Variants in ZNF641 observed in about 807,000 individuals in gnomAD.
The protein encoded by ZNF641 is zinc finger protein 641.
A neutral mutation model predicts 46.2 loss-of-function variants in ZNF641; 26 were observed. The ratio of observed to expected loss-of-function variants is 0.56; its 90% CI spans 0.41 to 0.78. ZNF641 has a LOEUF of 0.78. Among genes scored for constraint, ZNF641 ranks in the 30% least tolerant of loss-of-function variants. The pLI is 0.00. For missense variants in ZNF641, 469 were observed against 517.8 expected (o/e 0.91, Z 0.91); for synonymous variants, 163 against 187.9 (o/e 0.87, Z 1.09).
Position 48,343,017 on chromosome 12 carries a change from G to C in ZNF641, c.1231C>G (p.Gln411Glu). The C allele has an allele frequency of 6.2e-7, 1 of 1,614,166 alleles. No individual in the cohort carries two copies. The highest frequency in any genetic ancestry group is 1.1e-5 in the South Asian group (1 of 91,082). ...LDRHLLTHQGQSPRNSWDRGT... is the reference protein window; with the variant it reads ...LDRHLLTHQGESPRNSWDRGT... ...CTGTCCCAGCTGTTCCGGGGACTTT[G>C]TCCCTGGTGGGTGAGCAGGTGCCTG... The change falls in exon 6 of 6, where the codon CAA becomes GAA. Residue 411 changes from glutamine (Q) to glutamate (E), a missense_variant. Coordinates refer to ENST00000547026, the MANE Select transcript of ZNF641 (RefSeq NM_001172681.2).
chr12:48,349,668 G>A (rs963808621), intron 1 of ZNF641, among the ~76,000 whole-genome samples: 5 of 152,200 alleles, frequency 3.3e-5, no homozygotes, highest in African/African-American at 9.7e-5. Context: ...TCCCAGCCTA[G>A]GAGGTTTCCT....
chr12:48,341,836 T>C lies in ZNF641; in HGVS notation c.*1137A>G. On this transcript the variant is annotated 3_prime_UTR_variant, in exon 6 of 6. Transcript: ENST00000547026. ...AAACCTAGACATACACATCCACAAT[T>C]GTCTTAATCTCAGCAGTACTGGGAA... 1 of 985,448 alleles carries C rather than the reference T, an allele frequency of 1.0e-6. No homozygotes were observed. The highest frequency in any genetic ancestry group is 1.2e-6 in the Non-Finnish European group (1 of 829,938). 61.0% of individuals were successfully genotyped at this position (985,448 alleles called of 1,614,324 possible). A position where few individuals can be genotyped will look rare whatever the true frequency, so the allele number is the denominator to read the frequency against.
intron 1 of ZNF641, chr12:48,350,304 G>A (rs982384421): frequency 3.1e-5 from 40 of 1,278,638 alleles, no homozygotes; most frequent in Non-Finnish European, 3.8e-5. Context: ...GCACACGGAC[G>A]AGTTGGCTCC....
Position 48,343,474 on chromosome 12 carries a change from C to A in ZNF641, c.774G>T (p.Gln258His). ...TGGCAAGGTGGGAACCCCATACAAACTGTTTCCCACACTGGGGGCATGTGT... is the reference window on the plus strand; with the variant it reads ...TGGCAAGGTGGGAACCCCATACAAAATGTTTCCCACACTGGGGGCATGTGT... Reference protein sequence around the residue: ...RPHTCPQCGKQFVWGSHLARH... With the variant: ...RPHTCPQCGKHFVWGSHLARH... The change falls in exon 6 of 6, where the codon CAG becomes CAT. Residue 258 changes from glutamine (Q) to histidine (H), a missense_variant. Physicochemically the swap from Gln to His is conservative, Grantham distance 24. This residue lies in a region of ZNF641 where 346 missense variants were observed against 354.0 expected (regional missense o/e 0.98). Transcript: ENST00000547026. The A allele has an allele frequency of 6.2e-7, 1 of 1,614,022 alleles. No homozygotes were observed. The highest frequency in any genetic ancestry group is 8.5e-7 in the Non-Finnish European group (1 of 1,179,892).
chr12:48,344,798 C>T, intron 4 of ZNF641, 86 bp from the exon 5 acceptor site: 1 of 834,052 alleles, frequency 1.2e-6, no homozygotes, highest in East Asian at 2.6e-5. Flanking sequence ...AAACTGTTTC[C>T]TATTGTTTGG....
chr12:48,339,864 A>G lies in ZNF641; in HGVS notation c.*3109T>C. The G allele has an allele frequency of 1.1e-6, 1 of 923,476 alleles. No homozygotes were observed. Among genetic ancestry groups the G allele is most frequent in the Non-Finnish European group, 1.3e-6 (1 of 773,236 alleles). The allele number at this position is 923,476 out of a possible 1,614,324, so 57.2% of individuals were successfully genotyped here. ...GGCGTAAAGTGTAAATAGCCTGGTG[A>G]AAAGCTAACACTTTCGGTTACAGTC... On this transcript the variant is annotated 3_prime_UTR_variant, in exon 6 of 6. Coordinates refer to ENST00000547026, the MANE Select transcript of ZNF641 (RefSeq NM_001172681.2).
At chr12:48,350,288 C>T (rs1565996718) in intron 1 of ZNF641, 1 of 1,370,916 alleles carries the variant, frequency 7.3e-7, no homozygotes, top group South Asian at 1.6e-5. Context: ...AATGAGTAGC[C>T]CAAGGGCACA....
intron 4 of ZNF641, 72 bp from the exon 5 acceptor site, chr12:48,344,784 CA>C: frequency 2.2e-6 from 2 of 917,038 alleles, no homozygotes; most frequent in Non-Finnish European, 3.4e-6. Flanking sequence ...AAAAAAAATA[CA>C]AAAAACTGTT....
intron 1 of ZNF641, chr12:48,349,923 G>C: frequency 8.6e-7 from 1 of 1,159,588 alleles, no homozygotes; most frequent in Admixed American, 1.7e-5. Context: ...CCAGGTAGCA[G>C]AGTCTCTTAA....
Position 48,342,434 on chromosome 12 carries a change from AGT to A in ZNF641, c.*537_*538del. 1 of 986,904 alleles carries A rather than the reference AGT, an allele frequency of 1.0e-6. No homozygotes were observed. The highest frequency in any genetic ancestry group is 1.2e-6 in the Non-Finnish European group (1 of 830,954). 61.1% of individuals were successfully genotyped at this position (986,904 alleles called of 1,614,324 possible). On this transcript the variant is annotated 3_prime_UTR_variant, in exon 6 of 6. Transcript: ENST00000547026. ...TACTCTCTAACCCAGTGTTCACCAGAGTGTTTCATAGTCACCAGTTCTGTGGG... is the reference window on the plus strand; with the variant it reads ...TACTCTCTAACCCAGTGTTCACCAGAGTTTCATAGTCACCAGTTCTGTGGG...
intron 3 of ZNF641, among the ~76,000 whole-genome samples, chr12:48,346,240 TAGG>T (rs1221241729): frequency 2.0e-5 from 3 of 152,138 alleles, no homozygotes; most frequent in Non-Finnish European, 4.4e-5. Context: ...GTATGGTGGT[TAGG>T]AGCTCAGAAT....
In ZNF641 at chr12:48,350,886, G is replaced by A. The variant is rs1953017338; in HGVS notation, c.-126C>T. The A allele has an allele frequency of 1.0e-6, 1 of 984,824 alleles. No homozygotes were observed. Among genetic ancestry groups the A allele is most frequent in the Non-Finnish European group, 1.2e-6 (1 of 829,550 alleles). The allele number at this position is 984,824 out of a possible 1,614,324, so 61.0% of individuals were successfully genotyped here. A position where few individuals can be genotyped will look rare whatever the true frequency, so the allele number is the denominator to read the frequency against. On this transcript the variant is annotated 5_prime_UTR_variant, in exon 1 of 6. Coordinates refer to ENST00000547026, the MANE Select transcript of ZNF641 (RefSeq NM_001172681.2). ...CGTCTGGGAGCCGGCGGCCGGCGGA[G>A]CCAGCGACAGGCGGAGACGGCGGCC...
chr12:48,346,352 T>C (rs1385179930), intron 3 of ZNF641, among the ~76,000 whole-genome samples: 1 of 152,202 alleles, frequency 6.6e-6, no homozygotes, highest in Non-Finnish European at 1.5e-5. Context: ...TAAAATTGGA[T>C]AACTGAGTTG....
chr12:48,343,049 T>A lies in ZNF641; in HGVS notation c.1199A>T (p.His400Leu). 1 of 1,614,198 alleles carries A rather than the reference T, an allele frequency of 6.2e-7. No individual in the cohort carries two copies. The highest frequency in any genetic ancestry group is 8.5e-7 in the Non-Finnish European group (1 of 1,180,038). ...GTGGGTGAGCAGGTGCCTGTCCAGG[T>A]GATGTTTTCGGCCAAAGCTCTTCTC... The part of the protein sequence containing the change: ...RCEKSFGRKH[H>L]LDRHLLTHQG... Residue 400 changes from histidine (H) to leucine (L), a missense_variant, in exon 6 of 6, where the codon CAC becomes CTC. By Grantham distance (99) the His-to-Leu change is moderately conservative. This residue lies in a region of ZNF641 where 346 missense variants were observed against 354.0 expected (regional missense o/e 0.98). Transcript: ENST00000547026.
At position 48,337,768 on chromosome 12, in the gene ZNF641, G is replaced by T. The variant is rs1440664632; in HGVS notation, c.*5205C>A. 2.6e-5 allele frequency: 4 copies of T among 151,720 alleles called. No individual in the cohort carries two copies. Among genetic ancestry groups the T allele is most frequent in the Non-Finnish European group, 5.9e-5 (4 of 67,994 alleles). 9.4% of individuals were successfully genotyped at this position (151,720 alleles called of 1,614,324 possible). A position where few individuals can be genotyped will look rare whatever the true frequency, so the allele number is the denominator to read the frequency against. ...GGCGTAAACCTGGGAGGCGGAGCTT[G>T]CAGTGAGCCGAGATCGCGTCACTGC... is the stretch of plus-strand genomic sequence containing the variant. On this transcript the variant is annotated 3_prime_UTR_variant, in exon 6 of 6. Coordinates refer to ENST00000547026, the MANE Select transcript of ZNF641 (RefSeq NM_001172681.2).
At chr12:48,344,781 A>G in intron 4 of ZNF641, 69 bp from the exon 5 acceptor site, 2 of 800,780 alleles carry the variant, frequency 2.5e-6, no homozygotes, top group Middle Eastern at 2.7e-4. Flanking sequence ...TGAAAAAAAA[A>G]TACAAAAAAC....
chr12:48,347,943 C>T lies in ZNF641; in HGVS notation c.148G>A (p.Asp50Asn). Residue 50 changes from aspartate to asparagine, a missense_variant, in exon 2 of 6, where the codon GAC becomes AAC. Physicochemically the swap from Asp to Asn is conservative, Grantham distance 23 (BLOSUM62 1). Coordinates refer to ENST00000547026, the MANE Select transcript of ZNF641 (RefSeq NM_001172681.2). ...VPGPLEHLCC[D>N]LEEEPQSLQE... ...AGGGACTGTGGCTCCTCTTCAAGGT[C>T]ACAGCACAGGTGCTCCAGAGGTCCT... The T allele has an allele frequency of 6.2e-7, 1 of 1,614,186 alleles. No homozygotes were observed. The highest frequency in any genetic ancestry group is 1.1e-5 in the South Asian group (1 of 91,082).
rs1227244142 is a variant in ZNF641, at chr12:48,341,136, G to A, written c.*1837C>T. The A allele has an allele frequency of 6.1e-6, 6 of 985,476 alleles. No individual in the cohort carries two copies. The highest frequency in any genetic ancestry group is 7.2e-6 in the Non-Finnish European group (6 of 829,944). The allele number at this position is 985,476 out of a possible 1,614,324, so 61.0% of individuals were successfully genotyped here. A position where few individuals can be genotyped will look rare whatever the true frequency, so the allele number is the denominator to read the frequency against. Reference sequence around the variant, plus strand: ...CAATTCTAGTTGAGTCCAGGACTCTGAGGAGCTGTGATTCACCCAGTTTTT... The same window carrying A: ...CAATTCTAGTTGAGTCCAGGACTCTAAGGAGCTGTGATTCACCCAGTTTTT... On this transcript the variant is annotated 3_prime_UTR_variant, in exon 6 of 6. Coordinates refer to ENST00000547026, the MANE Select transcript of ZNF641 (RefSeq NM_001172681.2).
At chr12:48,334,845 A>C (rs1952593237), downstream of ZNF641, among the ~76,000 whole-genome samples, 1 of 152,188 alleles carries the variant, frequency 6.6e-6, no homozygotes, top group Admixed American at 6.5e-5. Context: ...CGCCGGTGGG[A>C]CCGCACCTGT....
Sources: gnomAD v4.1 joint callset for allele counts (sites outside exome capture counted in the v4.1 genomes callset) on GRCh38, gnomAD v4.1.1 for gene constraint, gnomAD v4.1.1 regional missense constraint, MANE v1.5 for transcripts, NCBI Gene and HGNC (gene_info 2026-07-23, HGNC 2026-07-21) for gene names.